The following WWOX variants were observed in gnomAD, a reference collection of about 807,000 sequenced individuals.
The protein encoded by WWOX is WW domain-containing oxidoreductase.
WWOX carries 69 observed loss-of-function variants against 46.2 expected under a neutral mutation model. That is an observed-to-expected ratio of 1.49 (90% CI 1.23 to 1.82). The LOEUF (loss-of-function observed/expected upper bound fraction) is 1.82. Among genes scored for constraint, WWOX ranks in the 40% most tolerant of loss-of-function variants. The probability of loss-of-function intolerance (pLI) is 0.00; values close to 1 mark genes in which losing one functional copy is unlikely to be tolerated. For synonymous variants in WWOX, 359 were observed against 202.6 expected, an observed-to-expected ratio of 1.77 and a Z score of -6.56; for missense variants, 919 against 542.6, an observed-to-expected ratio of 1.69 and a Z score of -6.89.
chr16:78,125,619 T>C (rs747249264), intron 4 of WWOX, among the ~76,000 whole-genome samples: 10 of 152,090 alleles, frequency 6.6e-5, no homozygotes, highest in Non-Finnish European at 1.5e-4. Context: ...CCCAGCCCTT[T>C]GGGAGGCTGA....
intron 8 of WWOX, among the ~76,000 whole-genome samples, chr16:78,858,473 A>T (rs532839309): frequency 4.6e-5 from 7 of 150,970 alleles, no homozygotes; most frequent in Admixed American, 2.6e-4. Context: ...TCATGTCTTT[A>T]AAAAAAAACT....
chr16:78,832,856 A>G (rs922751240), intron 8 of WWOX, among the ~76,000 whole-genome samples: 1 of 152,100 alleles, frequency 6.6e-6, no homozygotes, highest in South Asian at 2.1e-4. Context: ...ATCCATTTAT[A>G]ATTATTTCAC....
intron 8 of WWOX, among the ~76,000 whole-genome samples, chr16:79,078,553 G>C (rs6564639): frequency 1.3e-5 from 2 of 152,154 alleles, no homozygotes; most frequent in African/African-American, 2.4e-5. Flanking sequence ...GCATAGTACC[G>C]TGTACATTCA....
intron 5 of WWOX, among the ~76,000 whole-genome samples, chr16:78,319,079 C>T (rs916786923): frequency 2.0e-5 from 3 of 152,062 alleles, no homozygotes; most frequent in African/African-American, 7.2e-5. Flanking sequence ...TGCCAGGATT[C>T]CTAAAAGGGG....
chr16:78,369,027 C>G lies in WWOX; in HGVS notation c.517-17833C>G, dbSNP rs1163052558. On this transcript the variant is annotated intron_variant, in intron 5 of 8. Transcript: ENST00000566780. Reference sequence around the variant, plus strand: ...CTTATCTAATCCCCTTCCTTCCTCTCTCAACTCTTCCTTCCTCTATCCTTT... The same window carrying G: ...CTTATCTAATCCCCTTCCTTCCTCTGTCAACTCTTCCTTCCTCTATCCTTT... Among the ~76,000 whole-genome samples the G allele has an allele frequency of 4.6e-5, 7 of 152,070 alleles. No individual in the cohort carries two copies. In the East Asian group the frequency reaches 1.2e-3, roughly 25 times the overall value.
At chr16:79,006,046 C>T (rs150769013) in intron 8 of WWOX, among the ~76,000 whole-genome samples, 428 of 152,230 alleles carry the variant, frequency 2.8e-3, no homozygotes, top group Middle Eastern at 0.01. Flanking sequence ...TGGTGCTCAG[C>T]GCTGAGTGAA....
At chr16:78,440,702 C>T (rs541173211) in intron 8 of WWOX, among the ~76,000 whole-genome samples, 35 of 151,812 alleles carry the variant, frequency 2.3e-4, no homozygotes, top group South Asian at 4.2e-4. Context: ...CTGCAACCTC[C>T]GCGCCTCCCC....
chr16:78,410,124 C>G (rs776068504), intron 6 of WWOX, among the ~76,000 whole-genome samples: 2 of 152,174 alleles, frequency 1.3e-5, no homozygotes, highest in South Asian at 2.1e-4. Flanking sequence ...CTCTGTTGCT[C>G]TTGCCCTCAC....
intron 5 of WWOX, among the ~76,000 whole-genome samples, chr16:78,370,352 C>T (rs945054694): frequency 1.3e-5 from 2 of 151,938 alleles, no homozygotes; most frequent in Non-Finnish European, 2.9e-5. Flanking sequence ...GAGCAGAGTT[C>T]AGTACATAGT....
intron 8 of WWOX, among the ~76,000 whole-genome samples, chr16:79,094,862 T>C (rs890241013): frequency 6.6e-6 from 1 of 152,180 alleles, no homozygotes; most frequent in Non-Finnish European, 1.5e-5. Flanking sequence ...AGGTTTACAC[T>C]GTGTCTACCC....
chr16:78,393,589 A>G (rs2082222364), intron 6 of WWOX, among the ~76,000 whole-genome samples: 1 of 152,200 alleles, frequency 6.6e-6, no homozygotes, highest in South Asian at 2.1e-4. Flanking sequence ...AAAGTTGGTG[A>G]CGACACCTGA....
chr16:78,311,231 C>G (rs892678591), intron 5 of WWOX, among the ~76,000 whole-genome samples: 2 of 152,214 alleles, frequency 1.3e-5, no homozygotes, highest in Non-Finnish European at 2.9e-5. Context: ...GGTTGGTTTC[C>G]TATCAGTTGC....
intron 8 of WWOX, among the ~76,000 whole-genome samples, chr16:78,707,801 C>G (rs1431236686): frequency 6.6e-6 from 1 of 151,306 alleles, no homozygotes; most frequent in Non-Finnish European, 1.5e-5. Flanking sequence ...GAGAACTGCA[C>G]TCTAGCCTGT....
chr16:79,083,732 A>C (rs185157788), intron 8 of WWOX, among the ~76,000 whole-genome samples: 1 of 152,172 alleles, frequency 6.6e-6, no homozygotes, highest in Non-Finnish European at 1.5e-5. Flanking sequence ...ATTTGCTTCA[A>C]AGTTTTCACT....
intron 8 of WWOX, among the ~76,000 whole-genome samples, chr16:79,185,353 C>T (rs1384519878): frequency 6.6e-6 from 1 of 152,172 alleles, no homozygotes; most frequent in Middle Eastern, 3.2e-3. Flanking sequence ...AGTTCATCTT[C>T]TCACCTCTAC....
At chr16:78,563,296 ACTTTC>A (rs1306255588) in intron 8 of WWOX, among the ~76,000 whole-genome samples, 1 of 152,158 alleles carries the variant, frequency 6.6e-6, no homozygotes, top group Non-Finnish European at 1.5e-5. Context: ...CCCTTCTGCA[ACTTTC>A]CTTTTATTTT....
chr16:78,354,209 T>C (rs2081238677), intron 5 of WWOX, among the ~76,000 whole-genome samples: 2 of 152,060 alleles, frequency 1.3e-5, no homozygotes, highest in South Asian at 4.2e-4. Flanking sequence ...TGGAAACGTT[T>C]GCTGGTGCCC....
rs566927694 is a variant in WWOX, at chr16:78,990,943, C to T, written c.1057-220665C>T. ...AGGTGTCATGCTGAGAAAGAAGAAC[C>T]GACCTCCAGGGGAGCTTGTCTTCAG... On this transcript the variant is annotated intron_variant, in intron 8 of 8. Transcript: ENST00000566780. Among the ~76,000 whole-genome samples, 8 of 152,292 alleles carry T rather than the reference C, an allele frequency of 5.3e-5. No homozygotes were observed. The South Asian group carries it at 1.0e-3, about 20-fold the overall frequency.
chr16:79,181,150 C>T (rs1246301791), intron 8 of WWOX, among the ~76,000 whole-genome samples: 1 of 152,184 alleles, frequency 6.6e-6, no homozygotes, highest in African/African-American at 2.4e-5. Flanking sequence ...TGCAAACATG[C>T]AGATTATACA....
Sources: allele counts gnomAD v4.1 joint callset (sites outside exome capture counted in the v4.1 genomes callset), GRCh38; gene constraint gnomAD v4.1.1; transcripts MANE v1.5; gene names NCBI Gene and HGNC (gene_info 2026-07-23, HGNC 2026-07-21).